The following WDFY4 variants were observed in gnomAD, a reference collection of about 807,000 sequenced individuals.
WDFY4 encodes the protein WD repeat- and FYVE domain-containing protein 4.
In WDFY4, 169 loss-of-function variants were observed where a neutral mutation model predicts 351.9. That is an observed-to-expected ratio of 0.48 (90% CI 0.42 to 0.55). WDFY4 has a LOEUF of 0.55. WDFY4 is among the 20% of genes least tolerant of loss of function. The pLI, the probability that WDFY4 is intolerant of heterozygous loss-of-function variation, is 0.00. For synonymous variants in WDFY4, 1,622 were observed against 1,574.6 expected (o/e 1.03, Z -0.71); for missense variants, 3,803 against 3,935.6 (o/e 0.97, Z 0.90).
rs540804598 is a variant in WDFY4 at position 48,977,424 on chromosome 10, C to G, written c.9291+445C>G. 2.0e-4 allele frequency among the ~76,000 whole-genome samples: 29 copies of G among 143,866 alleles called. No individual in the cohort carries two copies. In the South Asian group the frequency reaches 6.3e-3, roughly 31 times the overall value. The allele number at this position is 143,866 out of a possible 152,430, so 94.4% of individuals were successfully genotyped here. ...ATCCATCTCTCTATCCACCCATCCA[C>G]TCATCCATCCATCCATCCATCCATC... On this transcript the variant is annotated intron_variant, in intron 59 of 61. Coordinates refer to ENST00000325239, the MANE Select transcript of WDFY4 (RefSeq NM_001394531.1).
At chr10:48,778,969 G>T in intron 18 of WDFY4, 137 bp downstream of exon 18, 1 of 966,250 alleles carries the variant, frequency 1.0e-6, no homozygotes, top group Non-Finnish European at 1.5e-6. Context: ...GCTCCCTTGG[G>T]TTCCATACCT....
At chr10:48,777,302 G>A (rs1176590894) in intron 16 of WDFY4, 117 bp from the exon 17 acceptor site, 1 of 992,480 alleles carries the variant, frequency 1.0e-6, no homozygotes, top group African/African-American at 1.6e-5. Flanking sequence ...ATGGTCTAAG[G>A]AGGGTTACAG....
intron 34 of WDFY4, among the ~76,000 whole-genome samples, chr10:48,821,450 C>T (rs966229760): frequency 6.6e-6 from 1 of 152,212 alleles, no homozygotes; most frequent in Non-Finnish European, 1.5e-5. Flanking sequence ...TCTCCTGTAG[C>T]CTCAGTAGAA....
At chr10:48,908,589 G>A (rs1210171588) in intron 47 of WDFY4, among the ~76,000 whole-genome samples, 1 of 151,254 alleles carries the variant, frequency 6.6e-6, no homozygotes, top group African/African-American at 2.4e-5. Context: ...CTGGGCAGAT[G>A]TATAAGGATC....
Position 48,828,778 on chromosome 10 carries a change from T to C in WDFY4, c.6222T>C (p.Ser2074=). The change falls in exon 37 of 62, where the codon AGT becomes AGC. Residue 2074 remains serine (S), a splice_region_variant and synonymous_variant. Coordinates refer to ENST00000325239, the MANE Select transcript of WDFY4 (RefSeq NM_001394531.1). ...TAGTGAAAAATCTCTTATCCACTAG[T>C]TACCCAGAAGGATTTGGATTGGAGC... is the stretch of plus-strand genomic sequence containing the variant. ...MHCLLLLNER[S]YPEGFGLEPK... is the part of the protein sequence containing the mutation. 1 of 1,528,730 alleles carries C rather than the reference T, an allele frequency of 6.5e-7. No homozygotes were observed. The highest frequency in any genetic ancestry group is 8.8e-7 in the Non-Finnish European group (1 of 1,132,188). The allele number at this position is 1,528,730 out of a possible 1,614,324, so 94.7% of individuals were successfully genotyped here.
chr10:48,806,563 T>A lies in WDFY4; in HGVS notation c.4738+468T>A, dbSNP rs147582423. Among the ~76,000 whole-genome samples the A allele has an allele frequency of 5.3e-5, 8 of 152,344 alleles. No individual in the cohort carries two copies. The East Asian group carries it at 1.5e-3, about 29-fold the overall frequency. On this transcript the variant is annotated intron_variant, in intron 27 of 61. Coordinates refer to ENST00000325239, the MANE Select transcript of WDFY4 (RefSeq NM_001394531.1). ...CTGTCCCCAGTCCCACCAAACCAGA[T>A]TAAGTCACTTTCTCTGTGTTTCCAA...
intron 47 of WDFY4, among the ~76,000 whole-genome samples, chr10:48,940,835 G>C (rs1465217470): frequency 6.6e-6 from 1 of 152,132 alleles, no homozygotes; most frequent in South Asian, 2.1e-4. Flanking sequence ...AGGGAGAGGG[G>C]CTCCTCCCCA....
At chr10:48,970,809 G>A (rs1590020474) in intron 57 of WDFY4, among the ~76,000 whole-genome samples, 1 of 152,188 alleles carries the variant, frequency 6.6e-6, no homozygotes, top group African/African-American at 2.4e-5. Context: ...GTACATCCAA[G>A]GTCAAATGAA....
rs147704445 is a variant in WDFY4, at chr10:48,825,641, C to T, written c.5983-1030C>T. Among the ~76,000 whole-genome samples, 657 of 152,192 alleles carry T rather than the reference C, an allele frequency of 4.3e-3. 3 individuals are homozygous for T. The highest frequency in any genetic ancestry group is 0.015 in the African/African-American group (617 of 41,522). On this transcript the variant is annotated intron_variant, in intron 35 of 61. Transcript: ENST00000325239. Reference sequence around the variant, plus strand: ...TGTTGTTTCTTGACTTTTTAATAATCGCCATTCTGACTGGCATGAGATAGT... The same window carrying T: ...TGTTGTTTCTTGACTTTTTAATAATTGCCATTCTGACTGGCATGAGATAGT...
intron 1 of WDFY4, among the ~76,000 whole-genome samples, chr10:48,690,858 G>A (rs1359000166): frequency 6.6e-6 from 1 of 152,192 alleles, no homozygotes; most frequent in African/African-American, 2.4e-5. Context: ...GTGGCCATGA[G>A]CAGCCTGAAA....
At chr10:48,949,608 C>A (rs567480430) in intron 51 of WDFY4, among the ~76,000 whole-genome samples, 15 of 152,304 alleles carry the variant, frequency 9.8e-5, no homozygotes, top group Middle Eastern at 3.4e-3. Flanking sequence ...GCACTACTCC[C>A]AACCTGGGGT....
intron 40 of WDFY4, among the ~76,000 whole-genome samples, chr10:48,869,938 CA>C (rs994767075): frequency 1.3e-5 from 2 of 151,866 alleles, no homozygotes; most frequent in Admixed American, 6.6e-5. Context: ...CCTTAGGCAA[CA>C]AAAAAAATGT....
intron 1 of WDFY4, among the ~76,000 whole-genome samples, chr10:48,697,403 A>G (rs114099881): frequency 0.012 from 1,889 of 152,188 alleles, 38 homozygotes; most frequent in African/African-American, 0.043. Context: ...ATCACCTTAG[A>G]CCTTGTAGCC....
chr10:48,737,630 A>G (rs903157721), intron 11 of WDFY4, among the ~76,000 whole-genome samples: 57 of 152,242 alleles, frequency 3.7e-4, no homozygotes, highest in African/African-American at 1.2e-3. Context: ...TGTTTCACAG[A>G]TGACAAGAAC....
At chr10:48,708,131 T>G (rs980653424) in intron 1 of WDFY4, among the ~76,000 whole-genome samples, 6 of 152,198 alleles carry the variant, frequency 3.9e-5, no homozygotes, top group Non-Finnish European at 5.9e-5. Flanking sequence ...ATTTTTTGTT[T>G]CCTCCCAGTT....
chr10:48,789,049 T>C (rs958320446), intron 21 of WDFY4, among the ~76,000 whole-genome samples: 3 of 152,100 alleles, frequency 2.0e-5, no homozygotes, highest in Non-Finnish European at 2.9e-5. Context: ...TAATTTTTTA[T>C]TTTTTTACAG....
At chr10:48,739,056 G>A (rs751635464) in intron 11 of WDFY4, among the ~76,000 whole-genome samples, 13 of 152,178 alleles carry the variant, frequency 8.5e-5, no homozygotes, top group Non-Finnish European at 1.6e-4. Context: ...CTCCTTGGCC[G>A]GTGGGACTGT....
In WDFY4 at chr10:48,772,543, C is replaced by CT. The variant is rs370554273; in HGVS notation, c.2554-1900dup. Among the ~76,000 whole-genome samples the CT allele has an allele frequency of 7.3e-3, 604 of 82,994 alleles. 8 individuals are homozygous for CT. Among genetic ancestry groups the CT allele is most frequent in the African/African-American group, 0.024 (494 of 20,226 alleles). 54.4% of individuals were successfully genotyped at this position (82,994 alleles called of 152,430 possible). On this transcript the variant is annotated intron_variant, in intron 13 of 61. Transcript: ENST00000325239. ...TTTTTTTTTTTTTTTTTTGCATTTTCTTTTTTTTTTTTTTTATTATACTTT... is the reference window on the plus strand; with the variant it reads ...TTTTTTTTTTTTTTTTTTGCATTTTCTTTTTTTTTTTTTTTTATTATACTTT...
intron 39 of WDFY4, among the ~76,000 whole-genome samples, chr10:48,835,235 G>A (rs890532159): frequency 2.6e-5 from 4 of 152,172 alleles, no homozygotes; most frequent in African/African-American, 9.7e-5. Context: ...GAGAACTGAT[G>A]GCAATGAGAA....
Sources: allele counts gnomAD v4.1 joint callset (sites outside exome capture counted in the v4.1 genomes callset), GRCh38; gene constraint gnomAD v4.1.1; transcripts MANE v1.5; gene names NCBI Gene and HGNC (gene_info 2026-07-23, HGNC 2026-07-21).